Variants in EYS observed in about 807,000 individuals in gnomAD.
EYS encodes the protein EGF-like photoreceptor maintenance factor.
In EYS, 250 loss-of-function variants were observed where a neutral mutation model predicts 282.1. The ratio of observed to expected loss-of-function variants is 0.89; its 90% CI spans 0.80 to 0.98. The LOEUF is 0.98. Among genes scored for constraint, EYS ranks in the 50% least tolerant of loss-of-function variants. EYS has a pLI of 0.00. For synonymous variants in EYS, 1,355 were observed against 1,282.9 expected (o/e 1.06, Z -1.20); for missense variants, 4,016 against 3,709.0 (o/e 1.08, Z -2.15).
intron 31 of EYS, among the ~76,000 whole-genome samples, chr6:64,197,686 A>G (rs1368713969): frequency 6.6e-6 from 1 of 151,602 alleles, no homozygotes; most frequent in East Asian, 1.9e-4. Flanking sequence ...TAAAATATAT[A>G]TATTGTACCC....
chr6:64,272,348 G>A (rs1245404764), intron 30 of EYS, among the ~76,000 whole-genome samples: 1 of 152,140 alleles, frequency 6.6e-6, no homozygotes, highest in Non-Finnish European at 1.5e-5. Flanking sequence ...CCTGTTAGTT[G>A]ATGTAGTTTC....
chr6:64,480,485 AGTTAATCTTTGTGCGAT>A (rs1188620402), intron 26 of EYS, among the ~76,000 whole-genome samples: 1 of 151,842 alleles, frequency 6.6e-6, no homozygotes, highest in Non-Finnish European at 1.5e-5. Context: ...GTGAAGAAAA[AGTTAATCTTTGTGCGAT>A]GTTAGAGTTC....
intron 29 of EYS, among the ~76,000 whole-genome samples, chr6:64,385,140 A>C (rs951048439): frequency 6.6e-6 from 1 of 152,166 alleles, no homozygotes; most frequent in African/African-American, 2.4e-5. Flanking sequence ...TGATACTTAG[A>C]TATTCAGAGG....
chr6:64,162,614 C>T (rs1284589906), intron 31 of EYS, among the ~76,000 whole-genome samples: 1 of 152,104 alleles, frequency 6.6e-6, no homozygotes, highest in Non-Finnish European at 1.5e-5. Flanking sequence ...AACCCAAATC[C>T]TTCTCAACCC....
In EYS at chr6:65,565,244, C is replaced by CAAAAAA. The variant is rs765596305; in HGVS notation, c.-332-69257_-332-69252dup. On this transcript the variant is annotated intron_variant, in intron 2 of 42. Coordinates refer to ENST00000503581, the MANE Select transcript of EYS (RefSeq NM_001142800.2). Reference sequence around the variant, plus strand: ...TGGGCGACAGAGCGAGACTCCGTCTCAAAAAAAAAAAAAAAAAAAAAAAAA... The same window carrying CAAAAAA: ...TGGGCGACAGAGCGAGACTCCGTCTCAAAAAAAAAAAAAAAAAAAAAAAAAAAAAAA... Among the ~76,000 whole-genome samples, 2 of 1,618 alleles carry CAAAAAA rather than the reference C, an allele frequency of 1.2e-3. 1 individual carries two copies. Among genetic ancestry groups the CAAAAAA allele is most frequent in the Non-Finnish European group, 1.6e-3 (2 of 1,282 alleles). The allele number at this position is 1,618 out of a possible 152,430, so 1.1% of individuals were successfully genotyped here.
At chr6:63,772,633 A>G (rs892281305) in intron 40 of EYS, among the ~76,000 whole-genome samples, 2 of 152,130 alleles carry the variant, frequency 1.3e-5, no homozygotes, top group Non-Finnish European at 2.9e-5. Context: ...ATTGAACTAA[A>G]TCTTTTCTGC....
chr6:64,538,503 T>C (rs1764598660), intron 26 of EYS, among the ~76,000 whole-genome samples: 1 of 152,192 alleles, frequency 6.6e-6, no homozygotes, highest in African/African-American at 2.4e-5. Context: ...ATAATATCTA[T>C]GCCCTTAAAT....
chr6:64,722,794 T>A (rs534813172), intron 22 of EYS, among the ~76,000 whole-genome samples: 1 of 152,268 alleles, frequency 6.6e-6, no homozygotes, highest in Non-Finnish European at 1.5e-5. Context: ...TAATTCTATT[T>A]AAACAAATCT....
intron 12 of EYS, among the ~76,000 whole-genome samples, chr6:65,163,693 T>A: frequency 6.6e-6 from 1 of 151,460 alleles, no homozygotes; most frequent in East Asian, 2.0e-4. Context: ...TATCCATGAA[T>A]TAAAAATTAT....
At chr6:65,049,866 T>C (rs1175609691) in intron 13 of EYS, among the ~76,000 whole-genome samples, 2 of 151,688 alleles carry the variant, frequency 1.3e-5, no homozygotes, top group East Asian at 1.9e-4. Context: ...AATAGGTAAC[T>C]CAGCTGGGAT....
chr6:64,896,052 A>G (rs1320909478), intron 18 of EYS, among the ~76,000 whole-genome samples: 1 of 152,192 alleles, frequency 6.6e-6, no homozygotes, highest in Non-Finnish European at 1.5e-5. Context: ...TTCAATAAAT[A>G]CAACTAACAA....
chr6:64,005,699 AT>A (rs1382437261), intron 33 of EYS, among the ~76,000 whole-genome samples: 1 of 152,146 alleles, frequency 6.6e-6, no homozygotes, highest in African/African-American at 2.4e-5. Context: ...CTAGCCAGGT[AT>A]CCCTGCACCA....
At chr6:65,190,551 G>C (rs1765618510) in intron 12 of EYS, among the ~76,000 whole-genome samples, 1 of 151,548 alleles carries the variant, frequency 6.6e-6, no homozygotes, top group South Asian at 2.1e-4. Flanking sequence ...ATCTAAAAGT[G>C]TATACCTTCA....
intron 26 of EYS, among the ~76,000 whole-genome samples, chr6:64,517,803 C>T (rs1777609314): frequency 6.6e-6 from 1 of 151,894 alleles, no homozygotes. Flanking sequence ...TACATGTACA[C>T]ATTATTGGAG....
Position 65,012,810 on chromosome 6 carries a change from C to CAAA in EYS, c.2138-15110_2138-15108dup, listed in dbSNP as rs3033918. Among the ~76,000 whole-genome samples the CAAA allele has an allele frequency of 1.4e-3, 170 of 117,642 alleles. 1 individual carries two copies. The highest frequency in any genetic ancestry group is 4.8e-3 in the African/African-American group (158 of 33,110). The allele number at this position is 117,642 out of a possible 152,430, so 77.2% of individuals were successfully genotyped here. ...TCAGGACTTCACTTTCCAAGTACAG[C>CAAA]AAAAAAAAAAAAAAAATGAAAAAAA... On this transcript the variant is annotated intron_variant, in intron 13 of 42. Transcript: ENST00000503581.
At chr6:63,926,955 C>T (rs1039807298) in intron 35 of EYS, among the ~76,000 whole-genome samples, 11 of 152,194 alleles carry the variant, frequency 7.2e-5, no homozygotes, top group African/African-American at 2.2e-4. Context: ...TTTCAAAGAG[C>T]TTCTAAAGTA....
chr6:64,593,773 A>G (rs1250173567), intron 24 of EYS, among the ~76,000 whole-genome samples: 1 of 152,162 alleles, frequency 6.6e-6, no homozygotes, highest in Non-Finnish European at 1.5e-5. Flanking sequence ...TTTAGTTTGT[A>G]TTGGCTTGCA....
At chr6:65,200,542 A>C (rs1765875576) in intron 12 of EYS, among the ~76,000 whole-genome samples, 1 of 151,692 alleles carries the variant, frequency 6.6e-6, no homozygotes, top group African/African-American at 2.4e-5. Flanking sequence ...TCAGAGAGAC[A>C]AAAGAGAAAA....
At chr6:64,864,545 C>A (rs2150050460) in intron 19 of EYS, among the ~76,000 whole-genome samples, 1 of 149,984 alleles carries the variant, frequency 6.7e-6, no homozygotes, top group African/African-American at 2.4e-5. Context: ...GCCACCATGC[C>A]CAGCTAATTT....
Sources: gnomAD v4.1 joint callset for allele counts (sites outside exome capture counted in the v4.1 genomes callset) on GRCh38, gnomAD v4.1.1 for gene constraint, MANE v1.5 for transcripts, NCBI Gene and HGNC (gene_info 2026-07-23, HGNC 2026-07-21) for gene names.